Variants in CDH13 observed in about 807,000 individuals in gnomAD.
The protein encoded by CDH13 is cadherin 13.
CDH13 carries 24 observed loss-of-function variants against 63.8 expected under a neutral mutation model. The observed-to-expected ratio is 0.38, with a 90% CI of 0.27 to 0.53. CDH13 has a LOEUF of 0.53. Ranked by LOEUF, CDH13 falls within the 20% of genes least tolerant of loss-of-function variation. CDH13 has a pLI of 0.85. For missense variants in CDH13, 1,049 were observed against 903.1 expected, an observed-to-expected ratio of 1.16 and a Z score of -2.07; for synonymous variants, 503 against 355.3, an observed-to-expected ratio of 1.42 and a Z score of -4.67.
intron 5 of CDH13, among the ~76,000 whole-genome samples, chr16:83,330,886 T>G (rs1285223765): frequency 6.6e-6 from 1 of 152,206 alleles, no homozygotes; most frequent in African/African-American, 2.4e-5. Context: ...CTTAGATGCT[T>G]GAGACTGTAA....
At chr16:82,700,951 A>ACCACCCCCCCCCCCCCC (rs1567641690) in intron 1 of CDH13, among the ~76,000 whole-genome samples, 2 of 13,806 alleles carry the variant, frequency 1.4e-4, no homozygotes, top group Non-Finnish European at 4.1e-4. Context: ...AAGTGCTGGA[A>ACCACCCCCCCCCCCCCC]CCCGCCCCCC....
rs574389784 is a variant in CDH13, at chr16:83,708,866, A to AT, written c.1538+30406dup. ...GTGGTGAAACCTATCTCTACTAAAA[A>AT]TACAAAAATTAGCTGAGTGTGGTGG... is the stretch of plus-strand genomic sequence containing the variant. On this transcript the variant is annotated intron_variant, in intron 10 of 13. Coordinates refer to ENST00000567109, the MANE Select transcript of CDH13 (RefSeq NM_001257.5). Among the ~76,000 whole-genome samples the AT allele has an allele frequency of 3.9e-3, 596 of 152,164 alleles. 2 individuals are homozygous for AT. The highest frequency in any genetic ancestry group is 8.8e-3 in the Admixed American group (135 of 15,288).
chr16:82,633,279 C>G (rs1307041261), intron 1 of CDH13, among the ~76,000 whole-genome samples: 5 of 152,218 alleles, frequency 3.3e-5, no homozygotes, highest in African/African-American at 1.2e-4. Flanking sequence ...CAGAACGTCA[C>G]AATAACTTAC....
chr16:83,103,383 C>G (rs1418320674), intron 3 of CDH13, among the ~76,000 whole-genome samples: 1 of 142,260 alleles, frequency 7.0e-6, no homozygotes. Flanking sequence ...GTAGCTGGGA[C>G]TACAGGCACG....
intron 3 of CDH13, among the ~76,000 whole-genome samples, chr16:83,048,868 C>T (rs868044777): frequency 6.6e-6 from 1 of 152,132 alleles, no homozygotes; most frequent in Non-Finnish European, 1.5e-5. Context: ...CTTCAAATCG[C>T]TGCCTCCCTT....
At chr16:83,401,509 C>A (rs1299092528) in intron 6 of CDH13, among the ~76,000 whole-genome samples, 1 of 151,998 alleles carries the variant, frequency 6.6e-6, no homozygotes, top group African/African-American at 2.4e-5. Context: ...AAGACTCCGT[C>A]TCAAAATAAA....
At chr16:83,346,157 A>G (rs1457527452) in intron 6 of CDH13, among the ~76,000 whole-genome samples, 8 of 152,196 alleles carry the variant, frequency 5.3e-5, no homozygotes, top group Non-Finnish European at 8.8e-5. Flanking sequence ...AAGCAAATGC[A>G]CTGCGTGTGT....
At chr16:83,294,281 A>G (rs981605115) in intron 5 of CDH13, among the ~76,000 whole-genome samples, 2 of 152,248 alleles carry the variant, frequency 1.3e-5, no homozygotes, top group East Asian at 1.9e-4. Context: ...TAGGAATACA[A>G]TATATTGTTA....
chr16:83,202,437 A>G (rs1352075295), intron 4 of CDH13, among the ~76,000 whole-genome samples: 1 of 152,160 alleles, frequency 6.6e-6, no homozygotes, highest in African/African-American at 2.4e-5. Flanking sequence ...AAAGATTTTA[A>G]TCAGGGCATG....
intron 3 of CDH13, among the ~76,000 whole-genome samples, chr16:83,065,300 A>G (rs980831366): frequency 3.3e-5 from 5 of 152,214 alleles, no homozygotes; most frequent in African/African-American, 9.7e-5. Flanking sequence ...CACAGGTAGG[A>G]AAAGCCTTAA....
chr16:83,484,495 T>C (rs2073842885), intron 6 of CDH13, among the ~76,000 whole-genome samples: 1 of 152,246 alleles, frequency 6.6e-6, no homozygotes, highest in Non-Finnish European at 1.5e-5. Context: ...CAATTGCTAT[T>C]GTCAATCATC....
At chr16:83,244,908 T>C (rs992402137) in intron 5 of CDH13, among the ~76,000 whole-genome samples, 14 of 152,142 alleles carry the variant, frequency 9.2e-5, no homozygotes, top group African/African-American at 3.4e-4. Context: ...AGGTTCCAAA[T>C]CCCTGACCTC....
At position 83,790,685 on chromosome 16, in the gene CDH13, G is replaced by A. The variant is rs147097556; in HGVS notation, c.2135-4338G>A. 1.8e-3 allele frequency among the ~76,000 whole-genome samples: 281 copies of A among 152,224 alleles called. 1 individual carries two copies. The East Asian group carries it at 0.019, about 10-fold the overall frequency. ...CCCAAAGTGCTGGGATTACAGGCGT[G>A]AGCCACCATGCCTGGCCCGGTTGTT... On this transcript the variant is annotated intron_variant, in intron 13 of 13. Coordinates refer to ENST00000567109, the MANE Select transcript of CDH13 (RefSeq NM_001257.5).
intron 6 of CDH13, among the ~76,000 whole-genome samples, chr16:83,387,078 A>C (rs369495065): frequency 4.6e-5 from 7 of 152,306 alleles, no homozygotes; most frequent in Non-Finnish European, 1.0e-4. Flanking sequence ...CATAGACTCT[A>C]TTATAGAGGC....
In CDH13 at chr16:82,845,089, T is replaced by C. The variant is rs367922527; in HGVS notation, c.46-13273T>C. Among the ~76,000 whole-genome samples, 5 of 151,896 alleles carry C rather than the reference T, an allele frequency of 3.3e-5. No homozygotes were observed. The East Asian group carries it at 7.8e-4, about 24-fold the overall frequency. ...GGTACAGGTAGTTTTCTTTGGGAGG[T>C]GATCCAGGAAGCAGGAGTAAGGAAG... is the stretch of plus-strand genomic sequence containing the variant. On this transcript the variant is annotated intron_variant, in intron 1 of 13. Coordinates refer to ENST00000567109, the MANE Select transcript of CDH13 (RefSeq NM_001257.5).
At chr16:83,271,472 C>G (rs1241186925) in intron 5 of CDH13, among the ~76,000 whole-genome samples, 1 of 84,106 alleles carries the variant, frequency 1.2e-5, no homozygotes, top group African/African-American at 4.2e-5. Flanking sequence ...GCTGTTAGAG[C>G]CCCAATCCTG....
At chr16:82,991,721 G>A (rs1208552364) in intron 2 of CDH13, among the ~76,000 whole-genome samples, 1 of 152,172 alleles carries the variant, frequency 6.6e-6, no homozygotes, top group Non-Finnish European at 1.5e-5. Flanking sequence ...GAAACTCAAA[G>A]GACTCCTGAT....
chr16:83,513,985 T>C (rs73605842), intron 7 of CDH13, among the ~76,000 whole-genome samples: 1,736 of 152,256 alleles, frequency 0.011, 28 homozygotes, highest in African/African-American at 0.038. Flanking sequence ...GACTGTCTTG[T>C]ATGTTAAAAG....
rs577688599 is a variant in CDH13 at position 82,644,988 on chromosome 16, G to T, written c.45+17851G>T. 6.8e-4 allele frequency among the ~76,000 whole-genome samples: 103 copies of T among 152,290 alleles called. No homozygotes were observed. Among genetic ancestry groups the T allele is most frequent in the African/African-American group, 2.2e-3 (90 of 41,554 alleles). ...GAGTTAGAGAAGTGGACCAGATTGG[G>T]TTTTGTTTTTTCACAAATGAAAGTC... On this transcript the variant is annotated intron_variant, in intron 1 of 13. Coordinates refer to ENST00000567109, the MANE Select transcript of CDH13 (RefSeq NM_001257.5). The surrounding 1 kb of genome is among the most constrained non-coding windows in gnomAD (Gnocchi z 5.7).
Sources: gnomAD v4.1 joint callset for allele counts (sites outside exome capture counted in the v4.1 genomes callset) on GRCh38, gnomAD v4.1.1 for gene constraint, Gnocchi (gnomAD v3.1) non-coding constraint, MANE v1.5 for transcripts, NCBI Gene and HGNC (gene_info 2026-07-23, HGNC 2026-07-21) for gene names.